The following LNX1 variants were observed in gnomAD, a reference collection of about 807,000 sequenced individuals.
LNX1 encodes E3 ubiquitin-protein ligase LNX.
LNX1 carries 54 observed loss-of-function variants against 68.4 expected under a neutral mutation model. The observed-to-expected ratio is 0.79, with a 90% CI of 0.63 to 0.99. The LOEUF is 0.99. Among genes scored for constraint, LNX1 ranks in the 50% least tolerant of loss-of-function variants. LNX1 has a pLI of 0.00. For synonymous variants in LNX1, 336 were observed against 350.0 expected, an observed-to-expected ratio of 0.96 and a Z score of 0.45; for missense variants, 906 against 926.4, an observed-to-expected ratio of 0.98 and a Z score of 0.29.
intron 2 of LNX1, among the ~76,000 whole-genome samples, chr4:53,570,527 G>A (rs1422280965): frequency 2.7e-5 from 3 of 113,104 alleles, no homozygotes; most frequent in African/African-American, 9.9e-5. Context: ...GGTGGGGGGA[G>A]GGGGGAGGGA....
intron 9 of LNX1, among the ~76,000 whole-genome samples, chr4:53,472,916 G>T (rs776567276): frequency 5.3e-5 from 8 of 152,100 alleles, no homozygotes; most frequent in Non-Finnish European, 8.8e-5. Context: ...CTACCAGTAA[G>T]AAGAGAATAA....
chr4:53,507,846 T>C (rs1726020968), intron 3 of LNX1, 140 bp downstream of exon 3: 5 of 1,110,138 alleles, frequency 4.5e-6, no homozygotes, highest in Non-Finnish European at 6.3e-6. Flanking sequence ...CTTTGGCGAA[T>C]TGGACATTGG....
At chr4:53,627,394 C>T (rs10005885) in intron 1 of LNX1, among the ~76,000 whole-genome samples, 49,625 of 152,084 alleles carry the variant, frequency 0.33, 8,520 homozygotes, top group Admixed American at 0.38. Context: ...TAAACTGATT[C>T]TAACAGGGTT....
intron 2 of LNX1, among the ~76,000 whole-genome samples, chr4:53,608,166 C>T (rs1215509881): frequency 1.3e-5 from 2 of 152,134 alleles, no homozygotes; most frequent in East Asian, 3.8e-4. Context: ...AAGTGATCAA[C>T]AGAGTAAACA....
intron 2 of LNX1, among the ~76,000 whole-genome samples, chr4:53,598,097 A>C (rs1732835556): frequency 1.3e-5 from 2 of 152,208 alleles, no homozygotes; most frequent in Non-Finnish European, 2.9e-5. Context: ...AGTCCCAGGC[A>C]GTATTATTCC....
At chr4:53,545,040 G>C (rs1729012824) in intron 2 of LNX1, among the ~76,000 whole-genome samples, 1 of 152,192 alleles carries the variant, frequency 6.6e-6, no homozygotes, top group African/African-American at 2.4e-5. Context: ...ATTAAAAACT[G>C]CACCAGCATC....
intron 4 of LNX1, among the ~76,000 whole-genome samples, chr4:53,503,461 C>T (rs1484257340): frequency 2.6e-5 from 4 of 152,300 alleles, no homozygotes; most frequent in South Asian, 4.1e-4. Context: ...GCGTCTCCAT[C>T]GAAGTACTTG....
upstream of LNX1, among the ~76,000 whole-genome samples, chr4:53,596,219 T>A (rs78220446): frequency 8.0e-3 from 1,222 of 152,362 alleles, 10 homozygotes; most frequent in Middle Eastern, 0.048. Context: ...TCTGTGTATA[T>A]GGAAGATATT....
chr4:53,587,952 G>A (rs1732277182), intron 1 of LNX1, among the ~76,000 whole-genome samples: 1 of 152,186 alleles, frequency 6.6e-6, no homozygotes, highest in Admixed American at 6.5e-5. Context: ...GCCTTTGGGA[G>A]CCTTTTGGGA....
intron 9 of LNX1, among the ~76,000 whole-genome samples, chr4:53,462,889 A>G (rs1204322464): frequency 6.6e-6 from 1 of 152,074 alleles, no homozygotes; most frequent in Non-Finnish European, 1.5e-5. Context: ...ATTCTTTGGG[A>G]GCTGTGGTGT....
chr4:53,644,524 T>G (rs895291210), intron 1 of LNX1, among the ~76,000 whole-genome samples: 1 of 152,240 alleles, frequency 6.6e-6, no homozygotes, highest in Non-Finnish European at 1.5e-5. Context: ...TGTTGACATA[T>G]GCTATATGTT....
intron 1 of LNX1, among the ~76,000 whole-genome samples, chr4:53,641,699 C>G (rs909739213): frequency 2.6e-5 from 4 of 152,184 alleles, no homozygotes; most frequent in African/African-American, 9.7e-5. Context: ...TTCACCAGGT[C>G]CCCAGGCAAG....
chr4:53,633,982 G>C (rs961257125), intron 1 of LNX1, among the ~76,000 whole-genome samples: 4 of 152,208 alleles, frequency 2.6e-5, no homozygotes, highest in African/African-American at 9.7e-5. Context: ...TGCAGAAGCT[G>C]ATGGAAAACA....
At chr4:53,478,278 T>C (rs1265002875) in intron 8 of LNX1, among the ~76,000 whole-genome samples, 2 of 152,204 alleles carry the variant, frequency 1.3e-5, no homozygotes, top group Non-Finnish European at 2.9e-5. Context: ...AACTACATTA[T>C]GCCATTTAAT....
At chr4:53,591,012 G>T (rs1334239941) in intron 1 of LNX1, among the ~76,000 whole-genome samples, 4 of 152,182 alleles carry the variant, frequency 2.6e-5, no homozygotes, top group Non-Finnish European at 5.9e-5. Context: ...AGTCTGCACT[G>T]GCCTCCTAGC....
chr4:53,580,708 G>A (rs1437314429), intron 1 of LNX1, among the ~76,000 whole-genome samples: 1 of 152,116 alleles, frequency 6.6e-6, no homozygotes, highest in Non-Finnish European at 1.5e-5. Flanking sequence ...GGCATTAGGT[G>A]GATTTATATA....
At chr4:53,610,715 G>GAAAAAAAAAAAAAAA (rs10553873) in intron 2 of LNX1, among the ~76,000 whole-genome samples, 3 of 112,538 alleles carry the variant, frequency 2.7e-5, no homozygotes, top group Admixed American at 1.0e-4. Flanking sequence ...TCTCAAAGAG[G>GAAAAAAAAAAAAAAA]AAAAAAAAAA....
chr4:53,484,233 C>T (rs972192929), intron 6 of LNX1, among the ~76,000 whole-genome samples: 2 of 152,108 alleles, frequency 1.3e-5, no homozygotes, highest in Admixed American at 1.3e-4. Context: ...TAAGACAATG[C>T]CTTTTCTGCA....
At chr4:53,466,227 G>C (rs1406828896) in intron 9 of LNX1, among the ~76,000 whole-genome samples, 1 of 152,116 alleles carries the variant, frequency 6.6e-6, no homozygotes, top group Non-Finnish European at 1.5e-5. Context: ...GTCTTGTCTT[G>C]ATAAAAATCC....
Sources: allele counts gnomAD v4.1 joint callset (sites outside exome capture counted in the v4.1 genomes callset), GRCh38; gene constraint gnomAD v4.1.1; transcripts MANE v1.5; gene names NCBI Gene and HGNC (gene_info 2026-07-23, HGNC 2026-07-21).